The following STK3 variants were observed in gnomAD, a reference collection of about 807,000 sequenced individuals.
STK3 encodes serine/threonine-protein kinase 3.
Under a neutral mutation model 58.0 loss-of-function variants are expected in STK3, and 41 were observed. That is an observed-to-expected ratio of 0.71 (90% CI 0.55 to 0.92). The LOEUF (loss-of-function observed/expected upper bound fraction) is 0.92, where lower values mean the gene tolerates loss of function less well. Among genes scored for constraint, STK3 ranks in the 40% least tolerant of loss-of-function variants. The pLI is 0.00. For synonymous variants in STK3, 170 were observed against 191.0 expected, an observed-to-expected ratio of 0.89 and a Z score of 0.91; for missense variants, 479 against 602.7, an observed-to-expected ratio of 0.79 and a Z score of 2.15.
At chr8:98,536,143 C>T (rs1809748909) in intron 9 of STK3, among the ~76,000 whole-genome samples, 1 of 152,178 alleles carries the variant, frequency 6.6e-6, no homozygotes, top group Non-Finnish European at 1.5e-5. Flanking sequence ...ACTGAAGTCA[C>T]ATAAGCCACC....
At chr8:98,502,587 TAGTTTATTGAG>T (rs1823698595) in intron 10 of STK3, among the ~76,000 whole-genome samples, 1 of 152,214 alleles carries the variant, frequency 6.6e-6, no homozygotes. Context: ...CATCAATACC[TAGTTTATTGAG>T]AGTTTTTAGC....
chr8:98,545,787 A>G (rs1208503324), intron 9 of STK3, among the ~76,000 whole-genome samples: 1 of 152,200 alleles, frequency 6.6e-6, no homozygotes, highest in African/African-American at 2.4e-5. Context: ...ACACATTAGC[A>G]AATGTGGCTT....
chr8:98,658,864 G>C (rs1821747809), intron 6 of STK3, among the ~76,000 whole-genome samples: 1 of 152,014 alleles, frequency 6.6e-6, no homozygotes, highest in Admixed American at 6.6e-5. Context: ...CAAACACACT[G>C]ACCTGTTTAT....
intron 3 of STK3, among the ~76,000 whole-genome samples, chr8:98,854,108 TGGAAAGG>T (rs1836579450): frequency 6.6e-6 from 1 of 152,058 alleles, no homozygotes; most frequent in African/African-American, 2.4e-5. Context: ...ACATTGAGAT[TGGAAAGG>T]AAGAAGTAAA....
At chr8:98,840,174 C>T (rs982450111) in intron 3 of STK3, among the ~76,000 whole-genome samples, 2 of 151,800 alleles carry the variant, frequency 1.3e-5, no homozygotes, top group African/African-American at 4.8e-5. Context: ...TGGTGAAACC[C>T]CGTCTCTACT....
chr8:98,842,442 G>A (rs895165539), intron 3 of STK3, among the ~76,000 whole-genome samples: 1 of 152,192 alleles, frequency 6.6e-6, no homozygotes, highest in South Asian at 2.1e-4. Context: ...TTGGGAGGCT[G>A]AGGCAGGCAG....
chr8:98,360,582 A>G, the STK3 span, among the ~76,000 whole-genome samples: 2 of 150,864 alleles, frequency 1.3e-5, no homozygotes, highest in Non-Finnish European at 2.9e-5. Context: ...TAATGATGCC[A>G]CAAGCTGGCC....
chr8:98,663,134 C>CA (rs1822088191), intron 6 of STK3, among the ~76,000 whole-genome samples: 1 of 152,218 alleles, frequency 6.6e-6, no homozygotes, highest in African/African-American at 2.4e-5. Flanking sequence ...ACTCATCTGA[C>CA]AAAGGGCTAA....
chr8:98,493,188 T>C (rs1325714978), intron 10 of STK3, among the ~76,000 whole-genome samples: 1 of 145,674 alleles, frequency 6.9e-6, no homozygotes, highest in East Asian at 2.0e-4. Context: ...ACTGTGTCTG[T>C]GCCACTGCAT....
intron 10 of STK3, among the ~76,000 whole-genome samples, chr8:98,456,671 C>G (rs1443680134): frequency 2.0e-5 from 3 of 152,130 alleles, no homozygotes; most frequent in African/African-American, 7.2e-5. Flanking sequence ...AACTTCTGGG[C>G]TCAAGAGATC....
chr8:98,893,483 AAAG>A, intron 1 of STK3, among the ~76,000 whole-genome samples: 1 of 71,910 alleles, frequency 1.4e-5, no homozygotes, highest in Admixed American at 1.5e-4. Flanking sequence ...AGAAAGAAAG[AAAG>A]AGAAAGAAAG....
intron 1 of STK3, among the ~76,000 whole-genome samples, chr8:98,902,901 T>A (rs1021566921): frequency 1.3e-5 from 2 of 152,242 alleles, no homozygotes; most frequent in African/African-American, 4.8e-5. Context: ...TTGCCCAAAT[T>A]GACAACTAGA....
At chr8:98,796,076 TAC>T (rs1269908249) in intron 1 of STK3, among the ~76,000 whole-genome samples, 5 of 152,092 alleles carry the variant, frequency 3.3e-5, no homozygotes, top group African/African-American at 1.2e-4. Flanking sequence ...CCCAAAGGAA[TAC>T]ACAGATTCAA....
intron 6 of STK3, among the ~76,000 whole-genome samples, chr8:98,623,141 G>A (rs1437070313): frequency 6.6e-6 from 1 of 151,634 alleles, no homozygotes; most frequent in Non-Finnish European, 1.5e-5. Flanking sequence ...TCCTCCACAT[G>A]GAACATATTG....
chr8:98,754,135 G>C (rs766262819), intron 3 of STK3, among the ~76,000 whole-genome samples: 1 of 152,120 alleles, frequency 6.6e-6, no homozygotes, highest in South Asian at 2.1e-4. Context: ...AGCTTTGCTA[G>C]GTCTTGGGAA....
intron 9 of STK3, among the ~76,000 whole-genome samples, chr8:98,540,564 G>A (rs1810165182): frequency 1.3e-5 from 2 of 152,142 alleles, no homozygotes; most frequent in Admixed American, 1.3e-4. Flanking sequence ...AAGTTTCTAT[G>A]AAAAATTTTG....
intron 1 of STK3, among the ~76,000 whole-genome samples, chr8:98,809,091 T>C (rs1438313078): frequency 6.6e-6 from 1 of 152,344 alleles, no homozygotes; most frequent in Non-Finnish European, 1.5e-5. Flanking sequence ...CCCAACTCCA[T>C]GGAGACATAA....
chr8:98,898,681 G>A (rs1317911039), intron 1 of STK3, among the ~76,000 whole-genome samples: 5 of 152,118 alleles, frequency 3.3e-5, no homozygotes, highest in African/African-American at 1.2e-4. Context: ...CAGTAGAAAC[G>A]CATACAGAAA....
the STK3 span, among the ~76,000 whole-genome samples, chr8:98,348,941 A>G: frequency 6.6e-6 from 1 of 152,240 alleles, no homozygotes; most frequent in African/African-American, 2.4e-5. Context: ...ATGTTCATGC[A>G]AAAATCTGTG....
Sources: gnomAD v4.1 joint callset for allele counts (sites outside exome capture counted in the v4.1 genomes callset) on GRCh38, gnomAD v4.1.1 for gene constraint, MANE v1.5 for transcripts, NCBI Gene and HGNC (gene_info 2026-07-23, HGNC 2026-07-21) for gene names.